The following ITFG1 variants were observed in gnomAD, a reference collection of about 807,000 sequenced individuals.
The protein encoded by ITFG1 is integrin alpha FG-GAP repeat containing 1, also known as T-cell immunomodulatory protein.
A neutral mutation model predicts 81.8 loss-of-function variants in ITFG1; 34 were observed. The ratio of observed to expected loss-of-function variants is 0.42; its 90% confidence interval spans 0.32 to 0.55. ITFG1 has a LOEUF of 0.55. Ranked by LOEUF, ITFG1 falls within the 20% of genes least tolerant of loss-of-function variation. The probability of loss-of-function intolerance (pLI) is 0.17; values close to 1 mark genes in which losing one functional copy is unlikely to be tolerated. For synonymous variants in ITFG1, 285 were observed against 270.6 expected (o/e 1.05, Z -0.52); for missense variants, 672 against 755.4 (o/e 0.89, Z 1.29).
intron 17 of ITFG1, among the ~76,000 whole-genome samples, chr16:47,157,971 T>G (rs1964741109): frequency 6.6e-6 from 1 of 152,244 alleles, no homozygotes; most frequent in Non-Finnish European, 1.5e-5. Context: ...GCCTCTTTTT[T>G]CTTTGCATAA....
intron 17 of ITFG1, 56 bp from the exon 18 acceptor site, chr16:47,155,834 T>A (rs1279668716): frequency 7.7e-7 from 1 of 1,292,024 alleles, no homozygotes; most frequent in Non-Finnish European, 1.1e-6. Context: ...ATGAAAAGAC[T>A]CATTTCTGAA....
intron 7 of ITFG1, among the ~76,000 whole-genome samples, chr16:47,371,782 C>T (rs1968257350): frequency 6.6e-6 from 1 of 152,062 alleles, no homozygotes; most frequent in Admixed American, 6.6e-5. Flanking sequence ...AGGTCAGGGA[C>T]ACTGCTAAAC....
intron 10 of ITFG1, chr16:47,263,126 G>T: frequency 4.0e-6 from 1 of 249,892 alleles, no homozygotes; most frequent in South Asian, 6.7e-5. Context: ...CAAGCTGCCT[G>T]ACAACATATT....
At chr16:47,171,730 T>C (rs1007555345) in intron 14 of ITFG1, among the ~76,000 whole-genome samples, 2 of 152,210 alleles carry the variant, frequency 1.3e-5, no homozygotes, top group Non-Finnish European at 2.9e-5. Context: ...TGTTTGTGTT[T>C]TGTTTTTAGT....
chr16:47,275,186 A>T (rs1024170881), intron 10 of ITFG1, among the ~76,000 whole-genome samples: 1 of 152,038 alleles, frequency 6.6e-6, no homozygotes, highest in Non-Finnish European at 1.5e-5. Flanking sequence ...TGAATCTGTT[A>T]TTCTACTCTG....
intron 10 of ITFG1, among the ~76,000 whole-genome samples, chr16:47,274,898 G>C (rs1449180696): frequency 6.6e-6 from 1 of 152,116 alleles, no homozygotes; most frequent in African/African-American, 2.4e-5. Context: ...CTTTCAGAAA[G>C]TCCATGATTG....
At chr16:47,287,346 G>A (rs559164764) in intron 10 of ITFG1, among the ~76,000 whole-genome samples, 2 of 151,946 alleles carry the variant, frequency 1.3e-5, no homozygotes, top group African/African-American at 4.8e-5. Context: ...CCTCCCAAAG[G>A]GGGATTACAA....
intron 16 of ITFG1, among the ~76,000 whole-genome samples, chr16:47,159,839 T>C (rs954468752): frequency 6.6e-6 from 1 of 152,156 alleles, no homozygotes; most frequent in Non-Finnish European, 1.5e-5. Flanking sequence ...TCTGGGATAA[T>C]TAAAATTTAT....
At chr16:47,402,779 T>C (rs1232440280) in intron 6 of ITFG1, among the ~76,000 whole-genome samples, 1 of 152,188 alleles carries the variant, frequency 6.6e-6, no homozygotes, top group Non-Finnish European at 1.5e-5. Context: ...TATAAATGTG[T>C]GTCAAATATC....
intron 8 of ITFG1, among the ~76,000 whole-genome samples, chr16:47,349,496 A>G (rs1017647291): frequency 1.3e-5 from 2 of 152,230 alleles, no homozygotes; most frequent in African/African-American, 4.8e-5. Flanking sequence ...GATCACTTCA[A>G]CAAGAAGAGC....
At position 47,376,811 on chromosome 16, in the gene ITFG1, A is replaced by G. The variant is rs1211825575; in HGVS notation, c.656-871T>C. Among the ~76,000 whole-genome samples the G allele has an allele frequency of 2.0e-5, 3 of 152,000 alleles. No individual in the cohort carries two copies. In the East Asian group the frequency reaches 5.8e-4, roughly 29 times the overall value. ...TGGTGAAACCCCATCGCTACTAAAA[A>G]TACAAAAATTAGCTGGGTGTGATGG... On this transcript the variant is annotated intron_variant, in intron 6 of 17. Coordinates refer to ENST00000320640, the MANE Select transcript of ITFG1 (RefSeq NM_030790.5).
At chr16:47,405,069 G>C (rs1596961711) in intron 6 of ITFG1, among the ~76,000 whole-genome samples, 1 of 151,776 alleles carries the variant, frequency 6.6e-6, no homozygotes. Context: ...CCAATTTGTG[G>C]CTTTCCTTTC....
chr16:47,172,575 T>C (rs1268041517), intron 14 of ITFG1, among the ~76,000 whole-genome samples: 3 of 152,118 alleles, frequency 2.0e-5, no homozygotes, highest in Admixed American at 1.3e-4. Flanking sequence ...CCATTCCAAC[T>C]TTCCACTTAG....
chr16:47,351,386 C>T (rs187549483), intron 8 of ITFG1, among the ~76,000 whole-genome samples: 1 of 152,222 alleles, frequency 6.6e-6, no homozygotes, highest in East Asian at 1.9e-4. Flanking sequence ...AATCAATGTG[C>T]AAAAATCACA....
rs1424740340 is a variant in ITFG1, at chr16:47,460,938, G to A, written c.108C>T (p.Asn36=). 7 of 1,611,800 alleles carry A rather than the reference G, an allele frequency of 4.3e-6. No homozygotes were observed. In the South Asian group the frequency reaches 5.5e-5, roughly 13 times the overall value. ...VGPVPARALH[N]VTAELFGAEA... is the part of the protein sequence containing the mutation. The stretch of plus-strand genomic sequence containing the variant: ...CGGCCCCAAAGAGCTCGGCCGTGAC[G>A]TTGTGCAGCGCCCGCGCTGGGACCG... The change falls in exon 1 of 18, where the codon AAC becomes AAT. Residue 36 remains asparagine (N), a synonymous_variant. Transcript: ENST00000320640.
intron 5 of ITFG1, among the ~76,000 whole-genome samples, chr16:47,431,209 C>G (rs1381995930): frequency 6.6e-6 from 1 of 152,148 alleles, no homozygotes; most frequent in Non-Finnish European, 1.5e-5. Flanking sequence ...TGCAGGGTTC[C>G]CTAACCCTTG....
At chr16:47,205,828 T>TTATCTATC (rs58886060) in intron 14 of ITFG1, among the ~76,000 whole-genome samples, 3,042 of 143,038 alleles carry the variant, frequency 0.021, 36 homozygotes, top group Non-Finnish European at 0.025. Context: ...TGGAATTAAA[T>TTATCTATC]TATCTATCTA....
intron 5 of ITFG1, 32 bp from the exon 6 acceptor site, chr16:47,428,930 G>A (rs1969058511): frequency 1.6e-6 from 2 of 1,251,516 alleles, no homozygotes; most frequent in African/African-American, 1.5e-5. Flanking sequence ...CTTTTCTTAA[G>A]GCAAACATCA....
rs868423763 is a variant in ITFG1, at chr16:47,345,525, C to G, written c.802+20263G>C. On this transcript the variant is annotated intron_variant, in intron 8 of 17. Transcript: ENST00000320640. ...TGTTGGCCAGGCTGGTCTTGAACTC[C>G]TGACCTCAAGAGATCCGCCCACCTT... 2.0e-5 allele frequency among the ~76,000 whole-genome samples: 3 copies of G among 152,242 alleles called. 1 individual carries two copies. Among genetic ancestry groups the G allele is most frequent in the Non-Finnish European group, 2.9e-5 (2 of 68,004 alleles).
Sources: gnomAD v4.1 joint callset for allele counts (sites outside exome capture counted in the v4.1 genomes callset) on GRCh38, gnomAD v4.1.1 for gene constraint, MANE v1.5 for transcripts, NCBI Gene and HGNC (gene_info 2026-07-23, HGNC 2026-07-21) for gene names.